The following BTBD9 variants were observed in gnomAD, a reference collection of about 807,000 sequenced individuals.
BTBD9 encodes the protein BTB domain containing 9, also known as BTB/POZ domain-containing protein 9.
A neutral mutation model predicts 64.3 loss-of-function variants in BTBD9; 49 were observed. That is an observed-to-expected ratio of 0.76 (90% CI 0.61 to 0.97). The LOEUF (loss-of-function observed/expected upper bound fraction) is 0.97. Ranked by LOEUF, BTBD9 falls within the 50% of genes least tolerant of loss-of-function variation. The pLI, the probability that BTBD9 is intolerant of heterozygous loss-of-function variation, is 0.00. For missense variants in BTBD9, 598 were observed against 762.1 expected (o/e 0.78, Z 2.53); for synonymous variants, 260 against 274.7 (o/e 0.95, Z 0.53).
intron 9 of BTBD9, among the ~76,000 whole-genome samples, chr6:38,220,248 T>C (rs1258784880): frequency 2.0e-5 from 3 of 152,256 alleles, no homozygotes; most frequent in African/African-American, 7.2e-5. Context: ...TGACGTTCAC[T>C]AGTCCCACTG....
In BTBD9 at chr6:38,508,800, T is replaced by A. The variant is rs548467389; in HGVS notation, c.1154+68800A>T. On this transcript the variant is annotated intron_variant, in intron 6 of 10. Transcript: ENST00000481247. ...GCTCTTTCTTCTTGCAGTCCATACA[T>A]GTTATTCCCCCAAATCCAAGACAGG... Among the ~76,000 whole-genome samples, 170 of 152,248 alleles carry A rather than the reference T, an allele frequency of 1.1e-3. 2 individuals are homozygous for A. Among genetic ancestry groups the A allele is most frequent in the African/African-American group, 3.9e-3 (164 of 41,538 alleles).
intron 7 of BTBD9, among the ~76,000 whole-genome samples, chr6:38,291,106 T>C (rs1032342152): frequency 1.3e-5 from 2 of 152,238 alleles, no homozygotes; most frequent in African/African-American, 4.8e-5. Flanking sequence ...GAAGTGGAAT[T>C]ACACTCATGG....
chr6:38,323,053 T>A (rs1300568501), intron 7 of BTBD9, among the ~76,000 whole-genome samples: 1 of 152,246 alleles, frequency 6.6e-6, no homozygotes, highest in East Asian at 1.9e-4. Flanking sequence ...TCATTCTAGC[T>A]GAGACTGAGA....
chr6:38,297,111 T>C (rs1464499826), intron 7 of BTBD9, among the ~76,000 whole-genome samples: 1 of 152,188 alleles, frequency 6.6e-6, no homozygotes, highest in Admixed American at 6.5e-5. Flanking sequence ...CTCACGCCTG[T>C]AATCCCAGCA....
At chr6:38,476,481 A>C (rs1171370161) in intron 6 of BTBD9, among the ~76,000 whole-genome samples, 1 of 152,212 alleles carries the variant, frequency 6.6e-6, no homozygotes, top group Admixed American at 6.5e-5. Context: ...TTGAGTTGAC[A>C]GCTTTGCTTA....
chr6:38,555,663 ATTCC>A (rs1336875105), intron 6 of BTBD9, among the ~76,000 whole-genome samples: 1 of 152,110 alleles, frequency 6.6e-6, no homozygotes, highest in African/African-American at 2.4e-5. Flanking sequence ...CATCACCAAC[ATTCC>A]TTTAATTTTT....
intron 1 of BTBD9, among the ~76,000 whole-genome samples, chr6:38,607,879 A>G (rs1582710731): frequency 6.6e-6 from 1 of 152,154 alleles, no homozygotes; most frequent in African/African-American, 2.4e-5. Flanking sequence ...TTCCCAAGTA[A>G]CTATGAAAAA....
At chr6:38,633,098 C>G (rs1409310847) in intron 1 of BTBD9, among the ~76,000 whole-genome samples, 2 of 152,202 alleles carry the variant, frequency 1.3e-5, no homozygotes, top group Admixed American at 1.3e-4. Flanking sequence ...CCATCCCTAA[C>G]TATATTATCA....
chr6:38,352,417 C>T (rs951849852), intron 6 of BTBD9, among the ~76,000 whole-genome samples: 3 of 151,878 alleles, frequency 2.0e-5, no homozygotes, highest in Non-Finnish European at 4.4e-5. Flanking sequence ...AATGCTAAGC[C>T]CCATGAGGAA....
At chr6:38,409,360 G>T (rs1767308588) in intron 6 of BTBD9, among the ~76,000 whole-genome samples, 1 of 152,098 alleles carries the variant, frequency 6.6e-6, no homozygotes, top group African/African-American at 2.4e-5. Context: ...ATTCTATAAG[G>T]GCTTAATAAG....
intron 9 of BTBD9, among the ~76,000 whole-genome samples, chr6:38,232,665 CTT>C (rs762881748): frequency 1.3e-4 from 19 of 141,366 alleles, no homozygotes; most frequent in Non-Finnish European, 1.4e-4. Context: ...CCTTTCGCAA[CTT>C]TTTTTTTTTT....
chr6:38,385,938 G>C (rs1425454651), intron 6 of BTBD9, among the ~76,000 whole-genome samples: 1 of 151,772 alleles, frequency 6.6e-6, no homozygotes, highest in African/African-American at 2.4e-5. Context: ...GGGACTACAG[G>C]TGCATGCCAC....
intron 10 of BTBD9, among the ~76,000 whole-genome samples, chr6:38,190,691 G>C (rs1762035398): frequency 6.6e-6 from 1 of 151,946 alleles, no homozygotes; most frequent in Non-Finnish European, 1.5e-5. Flanking sequence ...GAGATTTTTG[G>C]GAAACTCATC....
chr6:38,363,508 G>C (rs1006831968), intron 6 of BTBD9, among the ~76,000 whole-genome samples: 3 of 152,226 alleles, frequency 2.0e-5, no homozygotes, highest in Non-Finnish European at 2.9e-5. Context: ...GAGCCTAGGA[G>C]CTGGAGGCTG....
chr6:38,293,562 C>T (rs551459832), intron 7 of BTBD9, among the ~76,000 whole-genome samples: 70 of 152,074 alleles, frequency 4.6e-4, no homozygotes, highest in Middle Eastern at 3.4e-3. Flanking sequence ...AAACAAGCAA[C>T]GGGGAAAGGA....
chr6:38,295,720 G>C (rs1762134270), intron 7 of BTBD9, among the ~76,000 whole-genome samples: 1 of 152,082 alleles, frequency 6.6e-6, no homozygotes, highest in East Asian at 1.9e-4. Context: ...CACATATGAA[G>C]TTTTTGTATA....
intron 6 of BTBD9, among the ~76,000 whole-genome samples, chr6:38,573,583 A>C (rs1423753225): frequency 6.6e-6 from 1 of 152,088 alleles, no homozygotes; most frequent in African/African-American, 2.4e-5. Context: ...AACGGGCATA[A>C]CCTTGAGAAC....
chr6:38,414,163 G>A (rs188911003), intron 6 of BTBD9, among the ~76,000 whole-genome samples: 5 of 152,212 alleles, frequency 3.3e-5, no homozygotes, highest in Admixed American at 6.5e-5. Flanking sequence ...GACAAAATTC[G>A]CCATTTACAA....
At chr6:38,268,367 A>G (rs936502898) in intron 8 of BTBD9, among the ~76,000 whole-genome samples, 1 of 152,180 alleles carries the variant, frequency 6.6e-6, no homozygotes, top group African/African-American at 2.4e-5. Flanking sequence ...TCAAGTTTTC[A>G]GAAGAATCCG....
Sources: gnomAD v4.1 joint callset for allele counts (sites outside exome capture counted in the v4.1 genomes callset) on GRCh38, gnomAD v4.1.1 for gene constraint, MANE v1.5 for transcripts, NCBI Gene and HGNC (gene_info 2026-07-23, HGNC 2026-07-21) for gene names.